Variants in FGD4 observed in about 807,000 individuals in gnomAD.
The protein encoded by FGD4 is FYVE, RhoGEF and PH domain-containing protein 4.
A neutral mutation model predicts 102.0 loss-of-function variants in FGD4; 42 were observed. The ratio of observed to expected loss-of-function variants is 0.41; its 90% CI spans 0.32 to 0.53. The LOEUF is 0.53. Ranked by LOEUF, FGD4 falls within the 20% of genes least tolerant of loss-of-function variation. The pLI, the probability that FGD4 is intolerant of heterozygous loss-of-function variation, is 0.21. For missense variants in FGD4, 902 were observed against 1,078.2 expected, an observed-to-expected ratio of 0.84 and a Z score of 2.29; for synonymous variants, 380 against 375.7, an observed-to-expected ratio of 1.01 and a Z score of -0.13.
chr12:32,518,562 T>C (rs1215197248), intron 1 of FGD4, among the ~76,000 whole-genome samples: 1 of 152,238 alleles, frequency 6.6e-6, no homozygotes, highest in Non-Finnish European at 1.5e-5. Context: ...ATGTGTCAGA[T>C]ACATCTATCT....
intron 4 of FGD4, among the ~76,000 whole-genome samples, chr12:32,592,458 A>G (rs1309257210): frequency 6.6e-6 from 1 of 152,138 alleles, no homozygotes; most frequent in Non-Finnish European, 1.5e-5. Flanking sequence ...TTAAATTAAT[A>G]GTGCATGACT....
intron 1 of FGD4, among the ~76,000 whole-genome samples, chr12:32,539,281 A>G (rs574485166): frequency 6.6e-6 from 1 of 151,910 alleles, no homozygotes; most frequent in South Asian, 2.1e-4. Flanking sequence ...TAGAAAACCA[A>G]TACACGGGCC....
At chr12:32,445,886 ACTGGGT>A in intron 1 of FGD4, among the ~76,000 whole-genome samples, 1 of 152,144 alleles carries the variant, frequency 6.6e-6, no homozygotes, top group East Asian at 1.9e-4. Context: ...GTTACTTTGG[ACTGGGT>A]GCTGTGACTC....
At chr12:32,570,027 G>GGTC (rs1298706882) in intron 2 of FGD4, among the ~76,000 whole-genome samples, 3 of 152,014 alleles carry the variant, frequency 2.0e-5, no homozygotes, top group African/African-American at 7.2e-5. Flanking sequence ...CGGATCACGA[G>GGTC]GTCAGGAGTT....
intron 1 of FGD4, among the ~76,000 whole-genome samples, chr12:32,563,755 T>C (rs1272766698): frequency 6.6e-6 from 1 of 152,126 alleles, no homozygotes; most frequent in Non-Finnish European, 1.5e-5. Flanking sequence ...TCCCGGCACC[T>C]CGGGAGGCCG....
intron 1 of FGD4, among the ~76,000 whole-genome samples, chr12:32,526,665 C>G (rs1399480305): frequency 6.6e-6 from 1 of 152,186 alleles, no homozygotes; most frequent in African/African-American, 2.4e-5. Context: ...GAGCTTTGTT[C>G]TTTCGCTATT....
At chr12:32,478,851 C>T (rs1275159098) in intron 1 of FGD4, among the ~76,000 whole-genome samples, 1 of 152,134 alleles carries the variant, frequency 6.6e-6, no homozygotes, top group African/African-American at 2.4e-5. Context: ...TGATCCGTGG[C>T]ATATGAATCT....
chr12:32,633,114 C>T (rs1057000122), intron 14 of FGD4, among the ~76,000 whole-genome samples: 4 of 150,130 alleles, frequency 2.7e-5, no homozygotes, highest in Non-Finnish European at 6.0e-5. Flanking sequence ...TGGGTAAGAT[C>T]GAAAGAGGTT....
rs1442799796 is a variant in FGD4 at position 32,399,816 on chromosome 12, A to G, written c.23A>G (p.Asn8Ser). The G allele has an allele frequency of 1.3e-6, 2 of 1,531,242 alleles. No individual in the cohort carries two copies. The highest frequency in any genetic ancestry group is 1.7e-6 in the Non-Finnish European group (2 of 1,145,338). 94.9% of individuals were successfully genotyped at this position (1,531,242 alleles called of 1,614,324 possible). A position where few individuals can be genotyped will look rare whatever the true frequency, so the allele number is the denominator to read the frequency against. ...AGGATGAGCGACGAGGGCGGCTCCAACTTCAGGCGGGTGGCGATCCGGCGG... is the reference window on the plus strand; with the variant it reads ...AGGATGAGCGACGAGGGCGGCTCCAGCTTCAGGCGGGTGGCGATCCGGCGG... MSDEGGSNFRRVAIRRKS... is the reference protein window; with the variant it reads MSDEGGSSFRRVAIRRKS... Residue 8 changes from asparagine to serine, a missense_variant, in exon 1 of 17, where the codon AAC becomes AGC. Coordinates refer to ENST00000534526, the MANE Select transcript of FGD4 (RefSeq NM_001370298.3).
intron 1 of FGD4, among the ~76,000 whole-genome samples, chr12:32,515,889 AC>A (rs1939834638): frequency 6.6e-6 from 1 of 152,222 alleles, no homozygotes; most frequent in African/African-American, 2.4e-5. Flanking sequence ...TAAATTGAAA[AC>A]TATGGTTTTG....
chr12:32,579,674 T>A (rs1028529281), intron 3 of FGD4: 1 of 152,170 alleles, frequency 6.6e-6, no homozygotes, highest in Admixed American at 6.5e-5. Context: ...TTGATTCAAA[T>A]CTCTAAAGAC....
chr12:32,465,191 T>G (rs1208737674), intron 1 of FGD4, among the ~76,000 whole-genome samples: 1 of 152,048 alleles, frequency 6.6e-6, no homozygotes, highest in Admixed American at 6.6e-5. Context: ...CAAAATTTAA[T>G]TTACTAATAG....
chr12:32,437,717 C>T (rs2728669), intron 1 of FGD4, among the ~76,000 whole-genome samples: 59,681 of 151,954 alleles, frequency 0.39, 12,284 homozygotes, highest in African/African-American at 0.5. Flanking sequence ...TTAGTAAAAG[C>T]AAAATTTTTT....
At chr12:32,447,638 T>G (rs1942657916) in intron 1 of FGD4, among the ~76,000 whole-genome samples, 1 of 152,212 alleles carries the variant, frequency 6.6e-6, no homozygotes, top group South Asian at 2.1e-4. Flanking sequence ...GGTTTAGCAT[T>G]CTAGTCCTGA....
At chr12:32,410,160 C>T (rs1379466294) in intron 1 of FGD4, among the ~76,000 whole-genome samples, 1 of 152,070 alleles carries the variant, frequency 6.6e-6, no homozygotes, top group African/African-American at 2.4e-5. Flanking sequence ...AACCCCATCT[C>T]TACTAAAAAT....
At chr12:32,608,185 C>T in intron 8 of FGD4, 90 bp downstream of exon 8, 2 of 1,502,996 alleles carry the variant, frequency 1.3e-6, no homozygotes, top group Non-Finnish European at 9.2e-7. Flanking sequence ...CATCTCACAG[C>T]TACTTTAGTC....
At chr12:32,517,246 C>T (rs1657580538) in intron 1 of FGD4, among the ~76,000 whole-genome samples, 1 of 152,140 alleles carries the variant, frequency 6.6e-6, no homozygotes, top group East Asian at 1.9e-4. Flanking sequence ...GCCCAGGCGT[C>T]ACAGGTGGAT....
intron 1 of FGD4, among the ~76,000 whole-genome samples, chr12:32,487,414 G>T (rs1943942609): frequency 7.3e-6 from 1 of 136,224 alleles, no homozygotes; most frequent in Non-Finnish European, 1.6e-5. Context: ...AATTTATATT[G>T]TTATTATTTG....
chr12:32,527,647 C>T (rs553089550), intron 1 of FGD4, among the ~76,000 whole-genome samples: 4 of 152,200 alleles, frequency 2.6e-5, no homozygotes, highest in East Asian at 1.9e-4. Flanking sequence ...CCAGGATGGT[C>T]TCGATCTCCT....
Sources: allele counts gnomAD v4.1 joint callset (sites outside exome capture counted in the v4.1 genomes callset), GRCh38; gene constraint gnomAD v4.1.1; transcripts MANE v1.5; gene names NCBI Gene and HGNC (gene_info 2026-07-23, HGNC 2026-07-21).